Variants in PRSS27 observed in about 807,000 individuals in gnomAD.
PRSS27 encodes serine protease 27.
A neutral mutation model predicts 32.0 loss-of-function variants in PRSS27; 25 were observed. The ratio of observed to expected loss-of-function variants is 0.78; its 90% CI spans 0.57 to 1.09. PRSS27 has a LOEUF of 1.09. Among genes scored for constraint, PRSS27 ranks in the 50% least tolerant of loss-of-function variants. PRSS27 has a pLI of 0.00. For synonymous variants in PRSS27, 178 were observed against 172.2 expected (o/e 1.03, Z -0.26); for missense variants, 401 against 394.9 (o/e 1.02, Z -0.13).
At chr16:2,713,966 A>C in intron 4 of PRSS27, 99 bp downstream of exon 4, 1 of 1,305,450 alleles carries the variant, frequency 7.7e-7, no homozygotes, top group East Asian at 2.3e-5. Flanking sequence ...GTATGTATTA[A>C]TATAGCAACA....
intron 1 of PRSS27, 26 bp downstream of exon 1, chr16:2,720,089 C>CAGG: frequency 6.3e-7 from 1 of 1,588,774 alleles, no homozygotes; most frequent in East Asian, 2.3e-5. Context: ...ACTGCACCAC[C>CAGG]AGGACCCTGC....
At chr16:2,713,244 G>A (rs566940444) in intron 5 of PRSS27, 9,655 of 464,424 alleles carry the variant, frequency 0.021, 145 homozygotes, top group Non-Finnish European at 0.029. Flanking sequence ...GACTACAGGC[G>A]CCCACCACCA....
chr16:2,715,653 G>T (rs539124554), intron 3 of PRSS27, 65 bp downstream of exon 3: 11 of 1,398,576 alleles, frequency 7.9e-6, no homozygotes, highest in Non-Finnish European at 8.7e-6. Context: ...TGTCCACGGT[G>T]CTGAACCGGT....
At position 2,712,840 on chromosome 16, in the gene PRSS27, A is replaced by G; in HGVS notation, c.679-26T>C. 4.7e-6 allele frequency: 7 copies of G among 1,490,572 alleles called. No homozygotes were observed. Among genetic ancestry groups the G allele is most frequent in the Non-Finnish European group, 6.3e-6 (7 of 1,117,624 alleles). 92.3% of individuals were successfully genotyped at this position (1,490,572 alleles called of 1,614,324 possible). On this transcript the variant is annotated intron_variant, in intron 5 of 5. Transcript: ENST00000302641. This position sits in a 1 kb window ranked among gnomAD's most constrained non-coding sequence, Gnocchi z 4.6. Reference sequence around the variant, plus strand: ...CTGCGGGGGACGCAGAGTCACCGTCAGAGCCCACCTTGAGTTCCCAGAGAC... The same window carrying G: ...CTGCGGGGGACGCAGAGTCACCGTCGGAGCCCACCTTGAGTTCCCAGAGAC...
intron 3 of PRSS27, chr16:2,715,132 A>G (rs1459888042): frequency 6.6e-6 from 1 of 151,628 alleles, no homozygotes; most frequent in Non-Finnish European, 1.5e-5. Flanking sequence ...TCAAGAAGAA[A>G]AAAAAGAAAA....
Position 2,713,711 on chromosome 16 carries a change from G to A in PRSS27, c.509-13C>T, listed in dbSNP as rs568400903. 2.5e-5 allele frequency: 41 copies of A among 1,613,758 alleles called. No homozygotes were observed. Among genetic ancestry groups the A allele is most frequent in the African/African-American group, 2.1e-4 (16 of 75,038 alleles). ...TCGGGCAGGAGGTCTGGAGAGGGGC[G>A]GAACAGCCCAGGGCTCAACGGACTT... On this transcript the variant is annotated splice_polypyrimidine_tract_variant and intron_variant, in intron 4 of 5. Coordinates refer to ENST00000302641, the MANE Select transcript of PRSS27 (RefSeq NM_031948.5).
chr16:2,716,866 A>C, intron 1 of PRSS27: 1 of 349,996 alleles, frequency 2.9e-6, no homozygotes, highest in East Asian at 4.8e-5. Flanking sequence ...CTCCACACCC[A>C]TCCTTGTCTG....
In PRSS27 at chr16:2,720,212, T is replaced by C; in HGVS notation, c.-52A>G. 1 of 1,510,110 alleles carries C rather than the reference T, an allele frequency of 6.6e-7. No homozygotes were observed. Among genetic ancestry groups the C allele is most frequent in the Non-Finnish European group, 9.0e-7 (1 of 1,109,420 alleles). 93.5% of individuals were successfully genotyped at this position (1,510,110 alleles called of 1,614,324 possible). A position where few individuals can be genotyped will look rare whatever the true frequency, so the allele number is the denominator to read the frequency against. The stretch of plus-strand genomic sequence containing the variant: ...GCCGTGGTCGGCGGTGGCAGAAGCG[T>C]TGGAGCACGAGCGAGGTGCAGGCTC... On this transcript the variant is annotated 5_prime_UTR_variant, in exon 1 of 6. Coordinates refer to ENST00000302641, the MANE Select transcript of PRSS27 (RefSeq NM_031948.5).
Position 2,715,898 on chromosome 16 carries a change from G to T in PRSS27, c.74-18C>A. 1 of 1,539,286 alleles carries T rather than the reference G, an allele frequency of 6.5e-7. No individual in the cohort carries two copies. On this transcript the variant is annotated intron_variant, in intron 2 of 5. Transcript: ENST00000302641. The stretch of plus-strand genomic sequence containing the variant: ...ACCACAGGCTGGGGGAGCATGGGGA[G>T]CGGGTGGGGGCGCTCACTGGGGCTG...
chr16:2,713,143 G>C (rs913362260), intron 5 of PRSS27: 32 of 475,372 alleles, frequency 6.7e-5, no homozygotes, highest in Non-Finnish European at 1.1e-4. Context: ...CTGTGGCCCA[G>C]GCTGGAGTGC....
chr16:2,720,188 C>G lies in PRSS27; in HGVS notation c.-28G>C. ...CCTCAGGCCTGGCTGGGGCGCAGGG[C>G]CGTGGTCGGCGGTGGCAGAAGCGTT... On this transcript the variant is annotated 5_prime_UTR_variant, in exon 1 of 6. Transcript: ENST00000302641. The G allele has an allele frequency of 1.3e-6, 2 of 1,570,512 alleles. No individual in the cohort carries two copies. Among genetic ancestry groups the G allele is most frequent in the Non-Finnish European group, 1.7e-6 (2 of 1,157,830 alleles).
chr16:2,712,737 G>T lies in PRSS27; in HGVS notation c.756C>A (p.Gly252=), dbSNP rs1239401285. The change falls in exon 6 of 6, where the codon GGC becomes GGA. Residue 252 remains glycine (G), a synonymous_variant. Transcript: ENST00000302641. This position sits in a 1 kb window ranked among gnomAD's most constrained non-coding sequence, Gnocchi z 4.6. The part of the protein sequence containing the change: ...LQAGVISWGE[G]CARQNRPGVY... Reference sequence around the variant, plus strand: ...CACCTGGGCGGTTCTGGCGGGCACAGCCCTCACCCCAGCTGATCACCCCCG... The same window carrying T: ...CACCTGGGCGGTTCTGGCGGGCACATCCCTCACCCCAGCTGATCACCCCCG... 1.9e-6 allele frequency: 3 copies of T among 1,587,908 alleles called. No individual in the cohort carries two copies. The highest frequency in any genetic ancestry group is 2.6e-6 in the Non-Finnish European group (3 of 1,167,206).
At position 2,720,180 on chromosome 16, in the gene PRSS27, G is replaced by T; in HGVS notation, c.-20C>A. 6.3e-7 allele frequency: 1 copy of T among 1,582,152 alleles called. No homozygotes were observed. On this transcript the variant is annotated 5_prime_UTR_variant, in exon 1 of 6. Coordinates refer to ENST00000302641, the MANE Select transcript of PRSS27 (RefSeq NM_031948.5). Reference sequence around the variant, plus strand: ...CCTCATGTCCTCAGGCCTGGCTGGGGCGCAGGGCCGTGGTCGGCGGTGGCA... The same window carrying T: ...CCTCATGTCCTCAGGCCTGGCTGGGTCGCAGGGCCGTGGTCGGCGGTGGCA...
In PRSS27 at chr16:2,720,181, C is replaced by T; in HGVS notation, c.-21G>A. 1 of 1,581,852 alleles carries T rather than the reference C, an allele frequency of 6.3e-7. No homozygotes were observed. The highest frequency in any genetic ancestry group is 8.6e-7 in the Non-Finnish European group (1 of 1,164,080). On this transcript the variant is annotated 5_prime_UTR_variant, in exon 1 of 6. Transcript: ENST00000302641. ...CTCATGTCCTCAGGCCTGGCTGGGG[C>T]GCAGGGCCGTGGTCGGCGGTGGCAG...
In PRSS27 at chr16:2,712,623, C is replaced by T. The variant is rs550374937; in HGVS notation, c.870G>A (p.Lys290=). 5 of 1,580,382 alleles carry T rather than the reference C, an allele frequency of 3.2e-6. No homozygotes were observed. Among genetic ancestry groups the T allele is most frequent in the South Asian group, 2.3e-5 (2 of 86,276 alleles). The part of the protein sequence containing the change: ...QFQPARLGGQ[K] The stretch of plus-strand genomic sequence containing the variant: ...GGGGCTCCTGGCCCCGGGGGTCTCA[C>T]TTCTGGCCGCCCAACCTCGCTGGCT... The change falls in exon 6 of 6, where the codon AAG becomes AAA. Residue 290 remains lysine (K), a synonymous_variant. Coordinates refer to ENST00000302641, the MANE Select transcript of PRSS27 (RefSeq NM_031948.5). The surrounding 1 kb of genome is among the most constrained non-coding windows in gnomAD (Gnocchi z 4.6).
chr16:2,713,303 T>G (rs2067676765), intron 5 of PRSS27: 1 of 560,968 alleles, frequency 1.8e-6, no homozygotes, highest in African/African-American at 1.9e-5. Flanking sequence ...TTTCACTGTG[T>G]TAGCCAGGAT....
chr16:2,712,858 C>T lies in PRSS27; in HGVS notation c.679-44G>A. 2 of 1,436,084 alleles carry T rather than the reference C, an allele frequency of 1.4e-6. No homozygotes were observed. The highest frequency in any genetic ancestry group is 1.4e-5 in the South Asian group (1 of 72,386). The allele number at this position is 1,436,084 out of a possible 1,614,324, so 89.0% of individuals were successfully genotyped here. A position where few individuals can be genotyped will look rare whatever the true frequency, so the allele number is the denominator to read the frequency against. ...CACCGTCAGAGCCCACCTTGAGTTCCCAGAGACTCAGTTGCAGCCGCACAG... is the reference window on the plus strand; with the variant it reads ...CACCGTCAGAGCCCACCTTGAGTTCTCAGAGACTCAGTTGCAGCCGCACAG... On this transcript the variant is annotated intron_variant, in intron 5 of 5. Coordinates refer to ENST00000302641, the MANE Select transcript of PRSS27 (RefSeq NM_031948.5). This position sits in a 1 kb window ranked among gnomAD's most constrained non-coding sequence, Gnocchi z 4.6.
chr16:2,716,354 G>T, intron 2 of PRSS27, 146 bp downstream of exon 2: 1 of 754,200 alleles, frequency 1.3e-6, no homozygotes, highest in Non-Finnish European at 2.2e-6. Context: ...TCTCCTTTCT[G>T]GGCTCCAGTT....
At position 2,714,673 on chromosome 16, in the gene PRSS27, C is replaced by A; in HGVS notation, c.237-337G>T. Reference sequence around the variant, plus strand: ...CTCGGAGAGAACCACCCTCCAGGTGCAGCAGGGCCAGCCCCACCTGCGGGC... The same window carrying A: ...CTCGGAGAGAACCACCCTCCAGGTGAAGCAGGGCCAGCCCCACCTGCGGGC... On this transcript the variant is annotated intron_variant, in intron 3 of 5. Transcript: ENST00000302641. This position sits in a 1 kb window ranked among gnomAD's most constrained non-coding sequence, Gnocchi z 4.7. 1 of 332,560 alleles carries A rather than the reference C, an allele frequency of 3.0e-6. No homozygotes were observed. The highest frequency in any genetic ancestry group is 3.0e-5 in the South Asian group (1 of 33,184). 20.6% of individuals were successfully genotyped at this position (332,560 alleles called of 1,614,324 possible). A position where few individuals can be genotyped will look rare whatever the true frequency, so the allele number is the denominator to read the frequency against.
Sources: allele counts gnomAD v4.1 joint callset, GRCh38; gene constraint gnomAD v4.1.1; non-coding constraint Gnocchi (gnomAD v3.1); transcripts MANE v1.5; gene names NCBI Gene and HGNC (gene_info 2026-07-23, HGNC 2026-07-21).